The following TRAPPC13 variants were observed in gnomAD, a reference collection of about 807,000 sequenced individuals.
TRAPPC13 encodes the protein trafficking protein particle complex subunit 13.
Under a neutral mutation model 54.0 loss-of-function variants are expected in TRAPPC13, and 39 were observed. The ratio of observed to expected loss-of-function variants is 0.72; its 90% CI spans 0.56 to 0.94. TRAPPC13 has a LOEUF of 0.94. TRAPPC13 is among the 40% of genes least tolerant of loss of function. TRAPPC13 has a pLI of 0.00. For synonymous variants in TRAPPC13, 148 were observed against 167.7 expected, an observed-to-expected ratio of 0.88 and a Z score of 0.91; for missense variants, 386 against 488.1, an observed-to-expected ratio of 0.79 and a Z score of 1.97.
At chr5:65,634,862 A>G (rs1755689530) in intron 1 of TRAPPC13, 3 of 504,296 alleles carry the variant, frequency 5.9e-6, no homozygotes, top group Non-Finnish European at 5.1e-6. Context: ...TCGCACCACT[A>G]CACTCCAGCC....
intron 8 of TRAPPC13, among the ~76,000 whole-genome samples, chr5:65,656,187 T>C (rs1276996573): frequency 6.6e-6 from 1 of 152,236 alleles, no homozygotes; most frequent in Non-Finnish European, 1.5e-5. Flanking sequence ...TTATATCACA[T>C]TACATATGTA....
At chr5:65,657,149 A>G (rs550613324) in intron 8 of TRAPPC13, among the ~76,000 whole-genome samples, 72 of 152,080 alleles carry the variant, frequency 4.7e-4, no homozygotes, top group Non-Finnish European at 9.3e-4. Context: ...TGGGAGGCCG[A>G]GGTGGGTGGA....
intron 6 of TRAPPC13, among the ~76,000 whole-genome samples, chr5:65,651,383 A>G (rs1180294605): frequency 6.6e-6 from 1 of 152,226 alleles, no homozygotes; most frequent in Non-Finnish European, 1.5e-5. Context: ...TCTGTCTCCG[A>G]AAAGTAAATA....
chr5:65,634,095 C>T (rs1046207946), intron 1 of TRAPPC13, among the ~76,000 whole-genome samples: 1 of 149,474 alleles, frequency 6.7e-6, no homozygotes, highest in Non-Finnish European at 1.5e-5. Context: ...ATGCCATTCT[C>T]CTGCCTCAGC....
At chr5:65,655,584 T>A in intron 7 of TRAPPC13, 52 bp from the exon 8 acceptor site, 1 of 638,494 alleles carries the variant, frequency 1.6e-6, no homozygotes, top group Non-Finnish European at 2.3e-6. Context: ...TTCTTTTTTC[T>A]TTAACATTTA....
rs145054739 is a variant in TRAPPC13 at position 65,638,145 on chromosome 5, G to A, written c.300+365G>A. The stretch of plus-strand genomic sequence containing the variant: ...CTCAAAAAAAAAAAAAAGAAAAAAA[G>A]GTTTTTTTATATCTATTATGTTTTT... On this transcript the variant is annotated intron_variant, in intron 4 of 12. Transcript: ENST00000399438. 9.7e-3 allele frequency among the ~76,000 whole-genome samples: 1,448 copies of A among 149,948 alleles called. 30 individuals are homozygous for A. Among genetic ancestry groups the A allele is most frequent in the African/African-American group, 0.034 (1,386 of 41,054 alleles).
At chr5:65,653,970 TGA>T (rs1438044267) in intron 7 of TRAPPC13, among the ~76,000 whole-genome samples, 1 of 152,128 alleles carries the variant, frequency 6.6e-6, no homozygotes, top group African/African-American at 2.4e-5. Context: ...ATTTATAGTA[TGA>T]GGGGAAAATG....
chr5:65,651,028 C>A, intron 6 of TRAPPC13, 146 bp downstream of exon 6: 1 of 616,668 alleles, frequency 1.6e-6, no homozygotes, highest in Non-Finnish European at 2.9e-6. Context: ...GACTAGCAGT[C>A]TAAACTCAGA....
intron 1 of TRAPPC13, among the ~76,000 whole-genome samples, chr5:65,627,154 A>AAAG (rs1755279654): frequency 6.7e-6 from 1 of 150,264 alleles, no homozygotes; most frequent in Admixed American, 6.6e-5. Flanking sequence ...AAAAAAAAAA[A>AAAG]AAAGAACAAT....
At chr5:65,650,088 G>A (rs1189467433) in intron 5 of TRAPPC13, among the ~76,000 whole-genome samples, 5 of 149,848 alleles carry the variant, frequency 3.3e-5, no homozygotes, top group African/African-American at 1.2e-4. Context: ...TCGATCTCCT[G>A]ACCTCGTGAT....
chr5:65,629,878 G>A, intron 1 of TRAPPC13: 1 of 1,536,052 alleles, frequency 6.5e-7, no homozygotes, highest in Non-Finnish European at 8.7e-7. Context: ...AACCTAGCTT[G>A]AAAAAGCAGC....
rs764488891 is a variant in TRAPPC13, at chr5:65,660,746, G to A, written c.746G>A (p.Arg249His). 25 of 1,613,292 alleles carry A rather than the reference G, an allele frequency of 1.5e-5. No homozygotes were observed. Among genetic ancestry groups the A allele is most frequent in the African/African-American group, 2.7e-5 (2 of 74,852 alleles). Residue 249 changes from arginine (R) to histidine (H), a missense_variant, in exon 10 of 13, where the codon CGC (arginine) becomes CAC (histidine). Physicochemically the swap from Arg to His is conservative, Grantham distance 29. Coordinates refer to ENST00000399438, the MANE Select transcript of TRAPPC13 (RefSeq NM_024941.4). ...SRAYLQPMDT[R>H]QYLYCLKPKN... ...GCATATTTGCAACCAATGGATACAC[G>A]CCAGTACTTATACTGCCTAAAGCCA...
rs1755728504 is a variant in TRAPPC13, at chr5:65,635,934, C to T, written c.116-10C>T. The T allele has an allele frequency of 1.3e-6, 2 of 1,544,270 alleles. No homozygotes were observed. Among genetic ancestry groups the T allele is most frequent in the African/African-American group, 1.4e-5 (1 of 72,934 alleles). On this transcript the variant is annotated splice_polypyrimidine_tract_variant and intron_variant, in intron 2 of 12. Transcript: ENST00000399438. ...AGATGTTAGAATTTTATGTTTTTCT[C>T]TTCATTCAGGAGATCTCTTTAACCA...
intron 1 of TRAPPC13, among the ~76,000 whole-genome samples, chr5:65,634,169 T>G (rs751111347): frequency 1.3e-5 from 2 of 149,212 alleles, no homozygotes; most frequent in Middle Eastern, 3.4e-3. Context: ...GTATTTTTAG[T>G]AGAGACGGGG....
At chr5:65,638,654 A>G (rs553749674) in intron 4 of TRAPPC13, among the ~76,000 whole-genome samples, 15 of 152,346 alleles carry the variant, frequency 9.8e-5, no homozygotes, top group African/African-American at 3.4e-4. Flanking sequence ...TACCAAAGAA[A>G]GAGGTTTAAT....
chr5:65,636,144 C>CGT, intron 3 of TRAPPC13, 101 bp downstream of exon 3: 1 of 507,122 alleles, frequency 2.0e-6, no homozygotes, highest in South Asian at 2.4e-5. Context: ...ATACATTTAC[C>CGT]TTTTTTTTTT....
In TRAPPC13 at chr5:65,664,880, T is replaced by G. The variant is rs2150696987; in HGVS notation, c.*269T>G. On this transcript the variant is annotated 3_prime_UTR_variant, in exon 13 of 13. Coordinates refer to ENST00000399438, the MANE Select transcript of TRAPPC13 (RefSeq NM_024941.4). Reference sequence around the variant, plus strand: ...ATTGGACTTTGTTCTCCAAAAGCTGTGTATCTGAGACCATTTGTCCCTAGC... The same window carrying G: ...ATTGGACTTTGTTCTCCAAAAGCTGGGTATCTGAGACCATTTGTCCCTAGC... 1 of 426,290 alleles carries G rather than the reference T, an allele frequency of 2.3e-6. No individual in the cohort carries two copies. The highest frequency in any genetic ancestry group is 4.2e-6 in the Non-Finnish European group (1 of 239,404). 26.4% of individuals were successfully genotyped at this position (426,290 alleles called of 1,614,324 possible). A position where few individuals can be genotyped will look rare whatever the true frequency, so the allele number is the denominator to read the frequency against.
At chr5:65,652,399 A>G in intron 6 of TRAPPC13, 102 bp from the exon 7 acceptor site, 1 of 707,802 alleles carries the variant, frequency 1.4e-6, no homozygotes, top group Admixed American at 2.9e-5. Context: ...TTTAACAATT[A>G]AAATTGGAAA....
intron 1 of TRAPPC13, among the ~76,000 whole-genome samples, chr5:65,633,552 G>A (rs1755628509): frequency 6.6e-6 from 1 of 152,192 alleles, no homozygotes; most frequent in South Asian, 2.1e-4. Flanking sequence ...ACAGGCATGA[G>A]CCACTGTGCC....
Sources: gnomAD v4.1 joint callset for allele counts (sites outside exome capture counted in the v4.1 genomes callset) on GRCh38, gnomAD v4.1.1 for gene constraint, MANE v1.5 for transcripts, NCBI Gene and HGNC (gene_info 2026-07-23, HGNC 2026-07-21) for gene names.